Variants in NLRC5 observed in about 807,000 individuals in gnomAD.
The protein encoded by NLRC5 is protein NLRC5.
In NLRC5, 114 loss-of-function variants were observed where a neutral mutation model predicts 206.9. The observed-to-expected ratio is 0.55, with a 90% CI of 0.47 to 0.64. The LOEUF (loss-of-function observed/expected upper bound fraction) is 0.64. Ranked by LOEUF, NLRC5 falls within the 30% of genes least tolerant of loss-of-function variation. The probability of loss-of-function intolerance (pLI) is 0.00; values close to 1 mark genes in which losing one functional copy is unlikely to be tolerated. For synonymous variants in NLRC5, 952 were observed against 962.8 expected, an observed-to-expected ratio of 0.99 and a Z score of 0.21; for missense variants, 2,008 against 2,305.5, an observed-to-expected ratio of 0.87 and a Z score of 2.64.
intron 6 of NLRC5, 36 bp downstream of exon 6, chr16:57,027,054 G>C: frequency 6.3e-7 from 1 of 1,587,184 alleles, no homozygotes; most frequent in Middle Eastern, 1.7e-4. Context: ...GGAGGGGATT[G>C]GGCTTTTGGG....
At chr16:57,027,125 T>A in intron 6 of NLRC5, 107 bp downstream of exon 6, 2 of 1,320,666 alleles carry the variant, frequency 1.5e-6, no homozygotes, top group Non-Finnish European at 2.1e-6. Context: ...GAATCTTGAA[T>A]ATCAGAACAT....
At chr16:57,024,620 A>T (rs1391898321) in intron 5 of NLRC5, among the ~76,000 whole-genome samples, 2 of 152,200 alleles carry the variant, frequency 1.3e-5, no homozygotes, top group Admixed American at 1.3e-4. Flanking sequence ...CTAGGCCTAC[A>T]GGTTGTTAGT....
chr16:56,990,061 T>C (rs182474947), intron 1 of NLRC5, among the ~76,000 whole-genome samples: 315 of 152,356 alleles, frequency 2.1e-3, no homozygotes, highest in Non-Finnish European at 3.7e-3. Context: ...CAACTTTTTA[T>C]TGTGGAAAAT....
Position 57,059,517 on chromosome 16 carries a change from C to T in NLRC5, c.3971C>T (p.Ala1324Val), listed in dbSNP as rs1279361470. Residue 1324 changes from alanine (A) to valine (V), a missense_variant, in exon 30 of 49, where the codon GCT (alanine) becomes GTT (valine). Physicochemically the swap from Ala to Val is moderately conservative, Grantham distance 64. Transcript: ENST00000688547. ...FRIHFSREDQ[A>V]GKTLRLSECS... is the part of the protein sequence containing the mutation. ...ATTCACTTCTCCAGAGAGGACCAGGCTGGGAAGACACTCAGGTAATCCCTG... is the reference window on the plus strand; with the variant it reads ...ATTCACTTCTCCAGAGAGGACCAGGTTGGGAAGACACTCAGGTAATCCCTG... 2 of 1,611,826 alleles carry T rather than the reference C, an allele frequency of 1.2e-6. No individual in the cohort carries two copies. Among genetic ancestry groups the T allele is most frequent in the Admixed American group, 3.3e-5 (2 of 59,718 alleles).
intron 1 of NLRC5, among the ~76,000 whole-genome samples, chr16:56,998,767 T>C (rs566562518): frequency 1.3e-5 from 2 of 152,364 alleles, no homozygotes; most frequent in South Asian, 4.1e-4. Context: ...GTTTATTCCA[T>C]GATACATCTT....
chr16:57,018,383 G>C (rs554161517), intron 2 of NLRC5, among the ~76,000 whole-genome samples: 2 of 152,208 alleles, frequency 1.3e-5, no homozygotes, highest in East Asian at 3.8e-4. Context: ...GTGTGACTGT[G>C]GGCACACCCT....
intron 1 of NLRC5, among the ~76,000 whole-genome samples, chr16:56,993,126 T>TACAC (rs1182288317): frequency 8.3e-6 from 1 of 119,992 alleles, no homozygotes; most frequent in Non-Finnish European, 1.8e-5. Context: ...TATGTGTATA[T>TACAC]ATATATACAC....
At chr16:56,995,778 C>T (rs568455987) in intron 1 of NLRC5, among the ~76,000 whole-genome samples, 1 of 152,308 alleles carries the variant, frequency 6.6e-6, no homozygotes, top group South Asian at 2.1e-4. Flanking sequence ...TTTTGTGTGT[C>T]TCTCAATAGT....
intron 1 of NLRC5, among the ~76,000 whole-genome samples, chr16:56,998,252 A>C (rs1000156980): frequency 6.6e-6 from 1 of 151,564 alleles, no homozygotes; most frequent in African/African-American, 2.4e-5. Flanking sequence ...CACAAGTAAG[A>C]CACGAATCAG....
At chr16:57,016,764 AG>A (rs576905320) in intron 1 of NLRC5, among the ~76,000 whole-genome samples, 29 of 152,322 alleles carry the variant, frequency 1.9e-4, no homozygotes, top group Admixed American at 5.9e-4. Context: ...GCTGACTTGC[AG>A]GGCTCATTGT....
At chr16:57,044,592 AG>A (rs2143853670) in intron 20 of NLRC5, among the ~76,000 whole-genome samples, 1 of 152,192 alleles carries the variant, frequency 6.6e-6, no homozygotes, top group African/African-American at 2.4e-5. Flanking sequence ...TCCAGGCCTC[AG>A]TTTCCTCATC....
chr16:57,047,285 C>T (rs1477656524), intron 22 of NLRC5, among the ~76,000 whole-genome samples: 1 of 152,038 alleles, frequency 6.6e-6, no homozygotes, highest in East Asian at 1.9e-4. Context: ...GGCCTGGGCT[C>T]TGGAGGGGGC....
intron 39 of NLRC5, 107 bp downstream of exon 39, chr16:57,074,790 C>A (rs767382443): frequency 2.9e-5 from 30 of 1,050,718 alleles, no homozygotes; most frequent in South Asian, 1.9e-4. Context: ...GGATCCTTTG[C>A]GGATCCCTCC....
At chr16:57,036,868 A>G (rs1567577050) in intron 14 of NLRC5, among the ~76,000 whole-genome samples, 1 of 152,128 alleles carries the variant, frequency 6.6e-6, no homozygotes, top group Non-Finnish European at 1.5e-5. Context: ...CCATATATGT[A>G]CAAAGCCTTT....
rs748200990 is a variant in NLRC5 at position 57,020,815 on chromosome 16, T to A, written c.103T>A (p.Phe35Ile). The A allele has an allele frequency of 2.5e-6, 4 of 1,613,400 alleles. No individual in the cohort carries two copies. The East Asian group carries it at 8.9e-5, about 36-fold the overall frequency. ...ATGGCTGAACGCCAAGATGAAGTTC[T>A]TCCTCCCCAACACGGACCTGGATTC... ...PEWLNAKMKFFLPNTDLDSRN... is the reference protein window; with the variant it reads ...PEWLNAKMKFILPNTDLDSRN... Residue 35 changes from phenylalanine (F) to isoleucine (I), a missense_variant, in exon 3 of 49, where the codon TTC becomes ATC. Coordinates refer to ENST00000688547, the MANE Select transcript of NLRC5 (RefSeq NM_001384950.1).
intron 30 of NLRC5, 64 bp downstream of exon 30, chr16:57,059,596 C>T (rs1299671892): frequency 1.4e-6 from 2 of 1,435,914 alleles, no homozygotes; most frequent in Non-Finnish European, 1.9e-6. Context: ...CCTATGGCGG[C>T]CTCCATGGCC....
At position 57,040,700 on chromosome 16, in the gene NLRC5, T is replaced by C; in HGVS notation, c.2921T>C (p.Leu974Pro). The change falls in exon 17 of 49, where the codon CTG (leucine) becomes CCG (proline). Residue 974 changes from leucine (L) to proline (P), a missense_variant. Leu to Pro is a moderately conservative substitution (Grantham distance 98, BLOSUM62 -3). Transcript: ENST00000688547. ...CTCCAGATGCCCTCTGAGCTGCCTC[T>C]GAGCTCCCGAAGGATGAGGTACAGT... is the stretch of plus-strand genomic sequence containing the variant. ...LMLQMPSELP[L>P]SSRRMRLTHC... 1 of 1,613,874 alleles carries C rather than the reference T, an allele frequency of 6.2e-7. No individual in the cohort carries two copies. The highest frequency in any genetic ancestry group is 8.5e-7 in the Non-Finnish European group (1 of 1,179,730).
chr16:57,029,601 G>A (rs1182797313), intron 8 of NLRC5, among the ~76,000 whole-genome samples, 172 bp from the exon 9 acceptor site: 1 of 152,190 alleles, frequency 6.6e-6, no homozygotes, highest in Admixed American at 6.5e-5. Flanking sequence ...GGCCAGCAGA[G>A]GGTCTTTCCT....
At chr16:57,043,721 G>T in intron 20 of NLRC5, 117 bp downstream of exon 20, 1 of 799,682 alleles carries the variant, frequency 1.3e-6, no homozygotes, top group East Asian at 2.4e-5. Flanking sequence ...TCAGCACCTT[G>T]GGCAGTACCA....
Sources: allele counts gnomAD v4.1 joint callset (sites outside exome capture counted in the v4.1 genomes callset), GRCh38; gene constraint gnomAD v4.1.1; transcripts MANE v1.5; gene names NCBI Gene and HGNC (gene_info 2026-07-23, HGNC 2026-07-21).